The following NBEA variants were observed in gnomAD, a reference collection of about 807,000 sequenced individuals.
NBEA encodes neurobeachin, also known as lysosomal-trafficking regulator 2.
NBEA carries 44 observed loss-of-function variants against 343.4 expected under a neutral mutation model. The ratio of observed to expected loss-of-function variants is 0.13; its 90% confidence interval spans 0.10 to 0.16. The LOEUF (loss-of-function observed/expected upper bound fraction) is 0.16. NBEA is among the 10% of genes least tolerant of loss of function. The probability of loss-of-function intolerance (pLI) is 1.00; values close to 1 mark genes in which losing one functional copy is unlikely to be tolerated. For synonymous variants in NBEA, 1,175 were observed against 1,238.7 expected (o/e 0.95, Z 1.08); for missense variants, 2,555 against 3,631.3 (o/e 0.70, Z 7.62).
intron 41 of NBEA, among the ~76,000 whole-genome samples, chr13:35,539,867 G>A (rs1314134047): frequency 8.3e-6 from 1 of 121,106 alleles, no homozygotes; most frequent in Non-Finnish European, 1.6e-5. Flanking sequence ...AGGGAGCCGA[G>A]ATCCTGCCAC....
At chr13:34,948,634 C>T (rs2059259828) in intron 1 of NBEA, among the ~76,000 whole-genome samples, 1 of 152,104 alleles carries the variant, frequency 6.6e-6, no homozygotes, top group South Asian at 2.1e-4. Flanking sequence ...GGAAATGACA[C>T]ATTGTAGGAA....
chr13:35,637,667 C>A (rs2083750640), intron 49 of NBEA, among the ~76,000 whole-genome samples: 1 of 151,716 alleles, frequency 6.6e-6, no homozygotes, highest in Admixed American at 6.6e-5. Context: ...ACTAAAAATA[C>A]AAAAATTAGC....
At chr13:35,286,827 T>C (rs531943588) in intron 34 of NBEA, among the ~76,000 whole-genome samples, 3 of 152,112 alleles carry the variant, frequency 2.0e-5, no homozygotes, top group Admixed American at 2.0e-4. Flanking sequence ...GGGAGTGTCA[T>C]TCTGAAAATA....
intron 44 of NBEA, among the ~76,000 whole-genome samples, chr13:35,566,234 G>A (rs2080130497): frequency 6.6e-6 from 1 of 152,080 alleles, no homozygotes; most frequent in South Asian, 2.1e-4. Flanking sequence ...GGTGGCGCGT[G>A]CCTGTAATCC....
intron 34 of NBEA, among the ~76,000 whole-genome samples, chr13:35,280,582 A>G (rs1272737862): frequency 1.3e-5 from 2 of 152,174 alleles, no homozygotes; most frequent in African/African-American, 2.4e-5. Flanking sequence ...CTGAGATAAT[A>G]CTTGGTCTCA....
chr13:35,247,351 T>C (rs775883843), intron 34 of NBEA, among the ~76,000 whole-genome samples: 17 of 152,110 alleles, frequency 1.1e-4, no homozygotes, highest in Non-Finnish European at 2.4e-4. Context: ...GAGGTTTCCT[T>C]CTCCCTGTAG....
Position 35,651,806 on chromosome 13 carries a change from C to G in NBEA, c.7965C>G (p.Gly2655=), listed in dbSNP as rs182352193. 5 of 1,529,754 alleles carry G rather than the reference C, an allele frequency of 3.3e-6. 1 individual carries two copies. The highest frequency in any genetic ancestry group is 2.5e-5 in the East Asian group (1 of 40,802). 94.8% of individuals were successfully genotyped at this position (1,529,754 alleles called of 1,614,324 possible). The change falls in exon 53 of 59, where the codon GGC becomes GGG. Residue 2655 remains glycine (G), a splice_region_variant and synonymous_variant. Transcript: ENST00000379939. ...FAVNRWHNTV[G]LRGAPGYSLD... ...TTTCTCTCTTTTTTTAATCTTTAGGCCTCAGAGGAGCTCCAGGATACTCCT... is the reference window on the plus strand; with the variant it reads ...TTTCTCTCTTTTTTTAATCTTTAGGGCTCAGAGGAGCTCCAGGATACTCCT...
chr13:35,297,667 G>T (rs2036224528), intron 35 of NBEA, among the ~76,000 whole-genome samples: 1 of 151,808 alleles, frequency 6.6e-6, no homozygotes, highest in South Asian at 2.1e-4. Flanking sequence ...CCATACTAAA[G>T]ATCACTTTAT....
intron 38 of NBEA, among the ~76,000 whole-genome samples, chr13:35,392,090 A>G (rs1386495809): frequency 6.6e-6 from 1 of 152,100 alleles, no homozygotes; most frequent in Non-Finnish European, 1.5e-5. Context: ...ATTTTATATT[A>G]TAAGTGAATA....
rs1287061666 is a variant in NBEA at position 35,159,311 on chromosome 13, G to A, written c.3140G>A (p.Gly1047Asp). The A allele has an allele frequency of 1.2e-6, 2 of 1,613,572 alleles. No individual in the cohort carries two copies. The highest frequency in any genetic ancestry group is 8.5e-7 in the Non-Finnish European group (1 of 1,179,682). The change falls in exon 22 of 59, where the codon GGT becomes GAT. Residue 1047 changes from glycine (G) to aspartate (D), a missense_variant. This residue lies in a region of NBEA where 367 missense variants were observed against 377.5 expected (regional missense o/e 0.97). Coordinates refer to ENST00000379939, the MANE Select transcript of NBEA (RefSeq NM_001385012.1). Reference protein sequence around the residue: ...ILGNSDRPGSGVHVEVHDLLV... With the variant: ...ILGNSDRPGSDVHVEVHDLLV... ...GGAAATTCAGATAGACCAGGAAGTGGTGTACATGTGGAAGTACATGATCTT... is the reference window on the plus strand; with the variant it reads ...GGAAATTCAGATAGACCAGGAAGTGATGTACATGTGGAAGTACATGATCTT...
intron 34 of NBEA, among the ~76,000 whole-genome samples, chr13:35,268,483 CATGATTAATATGGTAAATTTT>C (rs1309081619): frequency 6.6e-6 from 1 of 151,998 alleles, no homozygotes; most frequent in Non-Finnish European, 1.5e-5. Flanking sequence ...TACACTTAAA[CATGATTAATATGGTAAATTTT>C]ATGTTTTATG....
intron 38 of NBEA, among the ~76,000 whole-genome samples, chr13:35,409,957 T>G (rs1230112390): frequency 6.6e-6 from 1 of 152,184 alleles, no homozygotes; most frequent in East Asian, 1.9e-4. Flanking sequence ...ACCTATACTT[T>G]AATTATATTC....
chr13:35,019,367 G>T (rs980621961), intron 1 of NBEA, among the ~76,000 whole-genome samples: 27 of 150,550 alleles, frequency 1.8e-4, no homozygotes, highest in African/African-American at 6.1e-4. Context: ...GTGCAGCCTT[G>T]GCTCACTGCA....
intron 38 of NBEA, among the ~76,000 whole-genome samples, chr13:35,414,898 T>C (rs2043811938): frequency 6.6e-6 from 1 of 152,196 alleles, no homozygotes; most frequent in African/African-American, 2.4e-5. Context: ...ACCTGTTGTT[T>C]CCTGACTTGA....
intron 33 of NBEA, among the ~76,000 whole-genome samples, chr13:35,226,683 TC>T (rs577606377): frequency 6.1e-5 from 9 of 146,470 alleles, no homozygotes; most frequent in South Asian, 2.2e-4. Flanking sequence ...TTGTTCTACA[TC>T]TTTTTTTTTT....
intron 36 of NBEA, among the ~76,000 whole-genome samples, chr13:35,326,120 T>G (rs920447102): frequency 1.3e-5 from 2 of 152,108 alleles, no homozygotes; most frequent in Non-Finnish European, 2.9e-5. Context: ...TAGGGTTGCT[T>G]TGGCTGTTCA....
chr13:35,376,401 C>G (rs1324632292), intron 38 of NBEA, among the ~76,000 whole-genome samples: 2 of 152,012 alleles, frequency 1.3e-5, no homozygotes, highest in African/African-American at 4.8e-5. Context: ...TTTTCATAAG[C>G]CTGAATTCTC....
intron 41 of NBEA, among the ~76,000 whole-genome samples, chr13:35,478,708 G>C (rs772508865): frequency 6.6e-6 from 1 of 152,246 alleles, no homozygotes. Context: ...GTCCGGCCCA[G>C]GTGTGGTCGC....
At chr13:35,649,618 T>C (rs1218472509) in intron 51 of NBEA, 37 bp from the exon 52 acceptor site, 1 of 1,538,566 alleles carries the variant, frequency 6.5e-7, no homozygotes. Context: ...GTTATTCCTT[T>C]TGTCTTCCTC....
Sources: allele counts gnomAD v4.1 joint callset (sites outside exome capture counted in the v4.1 genomes callset), GRCh38; gene constraint gnomAD v4.1.1; regional missense constraint gnomAD v4.1.1; transcripts MANE v1.5; gene names NCBI Gene and HGNC (gene_info 2026-07-23, HGNC 2026-07-21).